ART5: variants seen among roughly 807,000 people sequenced by gnomAD.
The protein encoded by ART5 is ecto-ADP-ribosyltransferase 5.
In ART5, 22 loss-of-function variants were observed where a neutral mutation model predicts 25.0. The observed-to-expected ratio is 0.88, with a 90% CI of 0.63 to 1.26. ART5 has a LOEUF of 1.26. Ranked by LOEUF, ART5 falls within the 50% of genes most tolerant of loss-of-function variation. The pLI is 0.00. For missense variants in ART5, 402 were observed against 372.8 expected (o/e 1.08, Z -0.64); for synonymous variants, 161 against 154.8 (o/e 1.04, Z -0.30).
Position 3,640,346 on chromosome 11 carries a change from A to G in ART5, c.83T>C (p.Leu28Pro). The G allele has an allele frequency of 6.8e-7, 1 of 1,466,750 alleles. No individual in the cohort carries two copies. Among genetic ancestry groups the G allele is most frequent in the African/African-American group, 2.4e-5 (1 of 41,368 alleles). 90.9% of individuals were successfully genotyped at this position (1,466,750 alleles called of 1,614,324 possible). ...GTCAAAGGTGTCTGGAGCCAGGCCCAGGGGCAGGATGGGAACAGCCTGGGC... is the reference window on the plus strand; with the variant it reads ...GTCAAAGGTGTCTGGAGCCAGGCCCGGGGGCAGGATGGGAACAGCCTGGGC... ...WQAQAVPILP[L>P]GLAPDTFDDT... Residue 28 changes from leucine (L) to proline (P), a missense_variant, in exon 2 of 4, where the codon CTG becomes CCG. Coordinates refer to ENST00000397068, the MANE Select transcript of ART5 (RefSeq NM_053017.5).
At chr11:3,641,073 T>C (rs1169989730) in intron 1 of ART5, among the ~76,000 whole-genome samples, 1 of 152,150 alleles carries the variant, frequency 6.6e-6, no homozygotes, top group Non-Finnish European at 1.5e-5. Flanking sequence ...CTATTAGCTG[T>C]GAGGCCTTGG....
rs563137484 is a variant in ART5 at position 3,638,652 on chromosome 11, C to G, written c.*86G>C. On this transcript the variant is annotated 3_prime_UTR_variant, in exon 4 of 4. Transcript: ENST00000397068. ...AGTCCCCATCACATAGCAGAGTTCC[C>G]TCAGCCCTGCTGTGGCCTCCCCAGG... 1.9e-5 allele frequency: 30 copies of G among 1,546,884 alleles called. No homozygotes were observed. In the African/African-American group the frequency reaches 2.9e-4, roughly 15 times the overall value.
chr11:3,639,266 G>A (rs1191593967), intron 2 of ART5, among the ~76,000 whole-genome samples: 2 of 152,090 alleles, frequency 1.3e-5, no homozygotes, highest in African/African-American at 4.8e-5. Flanking sequence ...CCCTGCCTTA[G>A]CACTTGGGAA....
At position 3,641,795 on chromosome 11, in the gene ART5, C is replaced by G; in HGVS notation, c.57+11G>C. 6.4e-7 allele frequency: 1 copy of G among 1,573,004 alleles called. No individual in the cohort carries two copies. The highest frequency in any genetic ancestry group is 8.6e-7 in the Non-Finnish European group (1 of 1,159,050). On this transcript the variant is annotated intron_variant, in intron 1 of 3. Coordinates refer to ENST00000397068, the MANE Select transcript of ART5 (RefSeq NM_053017.5). ...TCCCCCTTGGGGCTAGGAGATGGTT[C>G]CTGGAGTTACCTGCCAGGTGTGGAG...
At chr11:3,640,567 CTT>C (rs33933264) in intron 1 of ART5, among the ~76,000 whole-genome samples, 196 bp from the exon 2 acceptor site, 32 of 126,900 alleles carry the variant, frequency 2.5e-4, no homozygotes, top group African/African-American at 8.0e-4. Context: ...GGACTGAAAT[CTT>C]TTTTTTTTTT....
chr11:3,640,040 A>T lies in ART5; in HGVS notation c.389T>A (p.Phe130Tyr). 6.2e-7 allele frequency: 1 copy of T among 1,614,156 alleles called. No individual in the cohort carries two copies. Among genetic ancestry groups the T allele is most frequent in the Non-Finnish European group, 8.5e-7 (1 of 1,180,024 alleles). Residue 130 changes from phenylalanine to tyrosine, a missense_variant, in exon 2 of 4, where the codon TTC becomes TAC. Physicochemically the swap from Phe to Tyr is conservative, Grantham distance 22 (BLOSUM62 3). Transcript: ENST00000397068. Reference protein sequence around the residue: ...SRELYMRHFPFKALHFYLIRA... With the variant: ...SRELYMRHFPYKALHFYLIRA... ...GATCAGGTAGAAATGCAGGGCCTTG[A>T]AGGGAAAGTGCCTCATGTAGAGCTC...
chr11:3,641,981 G>A lies in ART5; in HGVS notation c.-119C>T, dbSNP rs2077407316. On this transcript the variant is annotated 5_prime_UTR_variant, in exon 1 of 4. Transcript: ENST00000397068. Reference sequence around the variant, plus strand: ...CCTGTCTCCAGGCGCACGGGATCCCGGGTCCAGGATTAGGGCCCCGGCGGG... The same window carrying A: ...CCTGTCTCCAGGCGCACGGGATCCCAGGTCCAGGATTAGGGCCCCGGCGGG... The A allele has an allele frequency of 5.5e-6, 8 of 1,464,214 alleles. No individual in the cohort carries two copies. In the Admixed American group the frequency reaches 1.3e-4, roughly 24 times the overall value. 90.7% of individuals were successfully genotyped at this position (1,464,214 alleles called of 1,614,324 possible).
intron 1 of ART5, 88 bp downstream of exon 1, chr11:3,641,718 G>T (rs2133933128): frequency 1.3e-6 from 2 of 1,537,356 alleles, no homozygotes; most frequent in South Asian, 1.2e-5. Context: ...CCTGGGAGAG[G>T]GATGTGAGGA....
In ART5 at chr11:3,640,137, C is replaced by A; in HGVS notation, c.292G>T (p.Val98Phe). ...FKAQNGIAIM[V>F]YTNSSNTLYW... is the part of the protein sequence containing the mutation. ...AAGGTGTTCGATGAGTTGGTGTAGA[C>A]CATAATGGCTATTCCATTCTGGGCT... is the stretch of plus-strand genomic sequence containing the variant. The change falls in exon 2 of 4, where the codon GTC becomes TTC. Residue 98 changes from valine (V) to phenylalanine (F), a missense_variant. Physicochemically the swap from Val to Phe is conservative, Grantham distance 50 (BLOSUM62 -1). Transcript: ENST00000397068. 1.2e-6 allele frequency: 2 copies of A among 1,614,186 alleles called. No homozygotes were observed. The highest frequency in any genetic ancestry group is 1.7e-6 in the Non-Finnish European group (2 of 1,180,042).
chr11:3,640,313 T>C lies in ART5; in HGVS notation c.116A>G (p.Tyr39Cys), dbSNP rs139362015. The C allele has an allele frequency of 1.9e-3, 3,106 of 1,612,082 alleles. 10 individuals are homozygous for C. The highest frequency in any genetic ancestry group is 2.3e-3 in the Non-Finnish European group (2,757 of 1,179,616). ...CTCCATCTCCTCTGCACAACCCACA[T>C]AGGTATCGTCAAAGGTGTCTGGAGC... ...GLAPDTFDDT[Y>C]VGCAEEMEEK... is the part of the protein sequence containing the mutation. Residue 39 changes from tyrosine to cysteine, a missense_variant, in exon 2 of 4, where the codon TAT (tyrosine) becomes TGT (cysteine). Tyr to Cys is a radical substitution (Grantham distance 194). Coordinates refer to ENST00000397068, the MANE Select transcript of ART5 (RefSeq NM_053017.5).
chr11:3,639,995 C>G lies in ART5; in HGVS notation c.434G>C (p.Arg145Pro). 3 of 1,614,154 alleles carry G rather than the reference C, an allele frequency of 1.9e-6. No homozygotes were observed. Among genetic ancestry groups the G allele is most frequent in the Admixed American group, 1.7e-5 (1 of 60,028 alleles). ...TCCCCTGCTGCAGCCCCCACTGCCT[C>G]GCAGCAGCTGCAGGGCCCGGATCAG... ...FYLIRALQLL[R>P]GSGGCSRGPG... Residue 145 changes from arginine (R) to proline (P), a missense_variant, in exon 2 of 4, where the codon CGA (arginine) becomes CCA (proline). Coordinates refer to ENST00000397068, the MANE Select transcript of ART5 (RefSeq NM_053017.5).
In ART5 at chr11:3,639,629, A is replaced by T. The variant is rs760651964; in HGVS notation, c.787+13T>A. The stretch of plus-strand genomic sequence containing the variant: ...CCACACTGCCAGTCCTGCTTCCCCC[A>T]TGCACAGCTTACCACCCAGATAGGC... On this transcript the variant is annotated intron_variant, in intron 2 of 3. Coordinates refer to ENST00000397068, the MANE Select transcript of ART5 (RefSeq NM_053017.5). The T allele has an allele frequency of 1.2e-6, 2 of 1,603,154 alleles. No individual in the cohort carries two copies. The highest frequency in any genetic ancestry group is 1.7e-6 in the Non-Finnish European group (2 of 1,174,912).
chr11:3,641,455 G>A (rs1011717867), intron 1 of ART5, among the ~76,000 whole-genome samples: 1 of 152,176 alleles, frequency 6.6e-6, no homozygotes, highest in African/African-American at 2.4e-5. Flanking sequence ...ACCCACATTT[G>A]GGGTAGGGGT....
intron 3 of ART5, 102 bp from the exon 4 acceptor site, chr11:3,638,895 T>C: frequency 6.2e-7 from 1 of 1,608,566 alleles, no homozygotes; most frequent in African/African-American, 1.3e-5. Context: ...GGAGGCCCCC[T>C]CAGATTGTGA....
In ART5 at chr11:3,641,892, C is replaced by G; in HGVS notation, c.-30G>C. ...GGAGGAGACGTGAGGGCCAGGGGTC[C>G]GGGTGAGGGCGGGACCAGAGGTGCT... On this transcript the variant is annotated 5_prime_UTR_variant, in exon 1 of 4. Transcript: ENST00000397068. 6.4e-7 allele frequency: 1 copy of G among 1,552,342 alleles called. No individual in the cohort carries two copies. The highest frequency in any genetic ancestry group is 1.4e-5 in the African/African-American group (1 of 73,964).
chr11:3,640,359 G>GGC lies in ART5; in HGVS notation c.69_70insGC (p.Pro24AlafsTer32), dbSNP rs750786997. 2 of 1,017,590 alleles carry GGC rather than the reference G, an allele frequency of 2.0e-6. No homozygotes were observed. The highest frequency in any genetic ancestry group is 5.6e-5 in the East Asian group (2 of 35,730). The allele number at this position is 1,017,590 out of a possible 1,614,324, so 63.0% of individuals were successfully genotyped here. On this transcript the variant is annotated frameshift_variant, in exon 2 of 4. Transcript: ENST00000397068. LOFTEE classifies it high-confidence loss of function. The stretch of plus-strand genomic sequence containing the variant: ...GGAGCCAGGCCCAGGGGCAGGATGG[G>GGC]AACAGCCTGGGCCTGTGGAGCAAAA...
chr11:3,639,567 G>A (rs200399189), intron 2 of ART5, 75 bp downstream of exon 2: 41 of 1,514,728 alleles, frequency 2.7e-5, no homozygotes, highest in Admixed American at 6.5e-5. Flanking sequence ...CGAAGGCCCC[G>A]GGGATTATTG....
chr11:3,640,191 G>A lies in ART5; in HGVS notation c.238C>T (p.Arg80Ter), dbSNP rs376288672. 5.6e-6 allele frequency: 9 copies of A among 1,613,996 alleles called. No individual in the cohort carries two copies. Among genetic ancestry groups the A allele is most frequent in the East Asian group, 2.2e-5 (1 of 44,880 alleles). Residue 80 changes from arginine to a stop codon, truncating the protein, a stop_gained, in exon 2 of 4, where the codon CGA (arginine) becomes TGA (stop). Coordinates refer to ENST00000397068, the MANE Select transcript of ART5 (RefSeq NM_053017.5). LOFTEE classifies it high-confidence loss of function. ...AAGCCAGGGGGCAAGGTAAGCCCTC[G>A]ACGCTTGTCCTCCCAGGTCTCCTGG... Reference protein sequence around the residue: ...AAQETWEDKRRGLTLPPGFKA... With the variant: ...AAQETWEDKR
At chr11:3,639,142 C>A in intron 2 of ART5, 107 bp from the exon 3 acceptor site, 1 of 1,279,764 alleles carries the variant, frequency 7.8e-7, no homozygotes, top group Non-Finnish European at 1.1e-6. Flanking sequence ...CTATCTTTCC[C>A]TTCACCTAAA....
Sources: allele counts gnomAD v4.1 joint callset (sites outside exome capture counted in the v4.1 genomes callset), GRCh38; gene constraint gnomAD v4.1.1; transcripts MANE v1.5; gene names NCBI Gene and HGNC (gene_info 2026-07-23, HGNC 2026-07-21).